The following PTPRM variants were observed in gnomAD, a reference collection of about 807,000 sequenced individuals.
The protein encoded by PTPRM is receptor-type tyrosine-protein phosphatase mu.
PTPRM carries 47 observed loss-of-function variants against 186.7 expected under a neutral mutation model. The ratio of observed to expected loss-of-function variants is 0.25; its 90% CI spans 0.20 to 0.32. The LOEUF (loss-of-function observed/expected upper bound fraction) is 0.32, where lower values mean the gene tolerates loss of function less well. Ranked by LOEUF, PTPRM falls within the 10% of genes least tolerant of loss-of-function variation. The pLI, the probability that PTPRM is intolerant of heterozygous loss-of-function variation, is 1.00. For missense variants in PTPRM, 1,494 were observed against 1,865.0 expected (o/e 0.80, Z 3.66); for synonymous variants, 668 against 674.9 (o/e 0.99, Z 0.16).
At chr18:8,079,686 C>G (rs555822551) in intron 9 of PTPRM, among the ~76,000 whole-genome samples, 2 of 151,914 alleles carry the variant, frequency 1.3e-5, no homozygotes, top group Non-Finnish European at 2.9e-5. Flanking sequence ...TTTAGAAGAA[C>G]CTTCTAAGAA....
At chr18:8,400,406 G>A (rs948082262) in intron 32 of PTPRM, among the ~76,000 whole-genome samples, 3 of 152,206 alleles carry the variant, frequency 2.0e-5, no homozygotes, top group South Asian at 2.1e-4. Context: ...TTGAGAATCC[G>A]CCCACCCCCA....
intron 11 of PTPRM, among the ~76,000 whole-genome samples, chr18:8,101,157 G>A (rs2091275196): frequency 6.6e-6 from 1 of 152,192 alleles, no homozygotes; most frequent in South Asian, 2.1e-4. Context: ...TTGTTAAGAA[G>A]CATAAAGAAT....
At chr18:7,781,940 A>T (rs764656458) in intron 2 of PTPRM, among the ~76,000 whole-genome samples, 20 of 152,034 alleles carry the variant, frequency 1.3e-4, no homozygotes, top group Non-Finnish European at 2.9e-4. Flanking sequence ...TAATATAATC[A>T]CTAGTGAGCA....
chr18:8,203,170 A>G (rs1160476389), intron 14 of PTPRM, among the ~76,000 whole-genome samples: 1 of 152,230 alleles, frequency 6.6e-6, no homozygotes, highest in Non-Finnish European at 1.5e-5. Flanking sequence ...TGATTCAGTT[A>G]TATGGAGCAG....
intron 1 of PTPRM, among the ~76,000 whole-genome samples, chr18:7,772,349 CTCTTTCTTTCTTTCTTTCTTTCTTTCTT>C (rs71935994): frequency 0.022 from 2,128 of 96,064 alleles, 42 homozygotes; most frequent in South Asian, 0.026. Context: ...TTCTTTCTTT[CTCTTTCTTTCTTTCTTTCTTTCTTTCTT>C]TCTTTCTTTC....
intron 2 of PTPRM, among the ~76,000 whole-genome samples, chr18:7,877,805 G>A (rs546131798): frequency 2.6e-5 from 4 of 152,218 alleles, no homozygotes; most frequent in African/African-American, 9.6e-5. Flanking sequence ...TTTCACAGTA[G>A]GCACTGTTTG....
chr18:7,706,274 T>C (rs1201625861), intron 1 of PTPRM, among the ~76,000 whole-genome samples: 1 of 151,810 alleles, frequency 6.6e-6, no homozygotes, highest in Non-Finnish European at 1.5e-5. Context: ...TTTTAATTCC[T>C]TATTGAGATT....
chr18:8,234,692 A>G (rs2147187665), intron 14 of PTPRM, among the ~76,000 whole-genome samples: 1 of 152,232 alleles, frequency 6.6e-6, no homozygotes, highest in South Asian at 2.1e-4. Context: ...TATTTTTGCA[A>G]CATTAAGTAT....
intron 1 of PTPRM, among the ~76,000 whole-genome samples, chr18:7,756,827 G>C (rs901032739): frequency 2.0e-5 from 3 of 152,076 alleles, no homozygotes; most frequent in African/African-American, 4.8e-5. Context: ...TGTTGTAAAG[G>C]GGGGACAACG....
intron 2 of PTPRM, among the ~76,000 whole-genome samples, chr18:7,791,280 C>T (rs1157364441): frequency 3.3e-5 from 5 of 151,890 alleles, no homozygotes; most frequent in Admixed American, 3.3e-4. Context: ...GAAAAGGAAA[C>T]TCTTTGTTTT....
intron 23 of PTPRM, among the ~76,000 whole-genome samples, chr18:8,351,681 A>T (rs148224244): frequency 6.6e-6 from 1 of 152,276 alleles, no homozygotes; most frequent in East Asian, 1.9e-4. Flanking sequence ...AATAGCAGCA[A>T]TTCCTAAACT....
intron 20 of PTPRM, among the ~76,000 whole-genome samples, chr18:8,297,074 T>C (rs948346): frequency 0.086 from 13,056 of 152,212 alleles, 625 homozygotes; most frequent in Middle Eastern, 0.16. Context: ...TGCGTAGCAA[T>C]GCTGAGACAC....
At chr18:8,375,645 C>T (rs2095689982) in intron 24 of PTPRM, among the ~76,000 whole-genome samples, 1 of 152,184 alleles carries the variant, frequency 6.6e-6, no homozygotes, top group African/African-American at 2.4e-5. Flanking sequence ...CACAGACATC[C>T]TTTAATTTCT....
At chr18:7,590,059 G>T (rs554272112) in intron 1 of PTPRM, among the ~76,000 whole-genome samples, 2 of 152,160 alleles carry the variant, frequency 1.3e-5, no homozygotes, top group African/African-American at 4.8e-5. Context: ...GGAAACAATG[G>T]TTAAATTGTT....
At chr18:8,271,859 CT>C (rs1202173587) in intron 19 of PTPRM, among the ~76,000 whole-genome samples, 1 of 151,992 alleles carries the variant, frequency 6.6e-6, no homozygotes, top group Non-Finnish European at 1.5e-5. Flanking sequence ...TTTATGCCTT[CT>C]TTTTTCCTTT....
chr18:7,603,827 G>C (rs996910974), intron 1 of PTPRM, among the ~76,000 whole-genome samples: 4 of 152,202 alleles, frequency 2.6e-5, no homozygotes, highest in African/African-American at 9.6e-5. Context: ...GCTGCTGTGT[G>C]GCACCCTGGC....
At chr18:8,054,048 C>A (rs896468284) in intron 7 of PTPRM, among the ~76,000 whole-genome samples, 1 of 151,884 alleles carries the variant, frequency 6.6e-6, no homozygotes, top group Non-Finnish European at 1.5e-5. Flanking sequence ...CCAAGCCTGT[C>A]ACATTGTCTG....
At chr18:8,162,787 G>A (rs898454488) in intron 14 of PTPRM, among the ~76,000 whole-genome samples, 3 of 152,120 alleles carry the variant, frequency 2.0e-5, no homozygotes, top group African/African-American at 4.8e-5. Flanking sequence ...ACATCTTTAC[G>A]TGTGTTTCAG....
At chr18:8,330,231 G>GTTT (rs1357028841) in intron 22 of PTPRM, among the ~76,000 whole-genome samples, 3 of 152,074 alleles carry the variant, frequency 2.0e-5, no homozygotes, top group Non-Finnish European at 2.9e-5. Flanking sequence ...TTCACCCATG[G>GTTT]GCACAGTTTA....
Sources: allele counts gnomAD v4.1 joint callset (sites outside exome capture counted in the v4.1 genomes callset), GRCh38; gene constraint gnomAD v4.1.1; transcripts MANE v1.5; gene names NCBI Gene and HGNC (gene_info 2026-07-23, HGNC 2026-07-21).